The following PON3 variants were observed in gnomAD, a reference collection of about 807,000 sequenced individuals.
PON3 encodes the protein paraoxonase 3.
A neutral mutation model predicts 36.3 loss-of-function variants in PON3; 37 were observed. The observed-to-expected ratio is 1.02, with a 90% confidence interval of 0.78 to 1.34. The LOEUF is 1.34. Ranked by LOEUF, PON3 falls within the 40% of genes most tolerant of loss-of-function variation. The probability of loss-of-function intolerance (pLI) is 0.00; values close to 1 mark genes in which losing one functional copy is unlikely to be tolerated. For synonymous variants in PON3, 155 were observed against 154.8 expected (o/e 1.00, Z -0.01); for missense variants, 415 against 426.5 (o/e 0.97, Z 0.24).
At chr7:95,387,088 C>T (rs185141098) in intron 3 of PON3, among the ~76,000 whole-genome samples, 267 of 152,270 alleles carry the variant, frequency 1.8e-3, no homozygotes, top group Admixed American at 5.4e-3. Context: ...GACAAGGATG[C>T]CCTCTCTCAC....
chr7:95,372,719 C>T (rs780449848), intron 3 of PON3, among the ~76,000 whole-genome samples: 5 of 152,058 alleles, frequency 3.3e-5, no homozygotes, highest in South Asian at 4.2e-4. Context: ...AGATTATTTC[C>T]GGTCCTGGTA....
At chr7:95,386,474 A>C (rs1809192727) in intron 3 of PON3, among the ~76,000 whole-genome samples, 1 of 152,204 alleles carries the variant, frequency 6.6e-6, no homozygotes, top group Non-Finnish European at 1.5e-5. Flanking sequence ...AGGCTCTGAA[A>C]TTGAGGCAAT....
At chr7:95,384,326 A>G (rs936504109) in intron 3 of PON3, among the ~76,000 whole-genome samples, 1 of 152,188 alleles carries the variant, frequency 6.6e-6, no homozygotes, top group Non-Finnish European at 1.5e-5. Flanking sequence ...ACCAAAAGCA[A>G]TGGCAACAAA....
intron 3 of PON3, among the ~76,000 whole-genome samples, chr7:95,379,989 C>A (rs1416317034): frequency 1.3e-5 from 2 of 152,176 alleles, no homozygotes; most frequent in Admixed American, 6.5e-5. Context: ...TGGCCAGGTA[C>A]CCCTCTGAGA....
In PON3 at chr7:95,390,136, A is replaced by C. The variant is rs189888465; in HGVS notation, c.201+18T>G. ...CAGCTATTGATGTGAGCATGAGAGC[A>C]GCATGGAAAATACTCACACTGGAGA... On this transcript the variant is annotated intron_variant, in intron 3 of 8. Transcript: ENST00000265627. 795 of 1,587,812 alleles carry C rather than the reference A, an allele frequency of 5.0e-4. 4 individuals carry two copies. The highest frequency in any genetic ancestry group is 2.7e-3 in the Admixed American group (160 of 60,008).
rs753550140 is a variant in PON3, at chr7:95,364,066, A to G, written c.495-3T>C. 11 of 1,612,886 alleles carry G rather than the reference A, an allele frequency of 6.8e-6. No homozygotes were observed. The highest frequency in any genetic ancestry group is 8.5e-6 in the Non-Finnish European group (10 of 1,178,990). The stretch of plus-strand genomic sequence containing the variant: ...CAAGAACCACAATGTCATTCACACT[A>G]AAGTGAAAGGGAGGTGGAAAAAGAG... On this transcript the variant is annotated splice_polypyrimidine_tract_variant and splice_region_variant and intron_variant, in intron 5 of 8. Transcript: ENST00000265627.
Position 95,396,294 on chromosome 7 carries a change from C to T in PON3, c.57G>A (p.Glu19=). 1 of 1,614,060 alleles carries T rather than the reference C, an allele frequency of 6.2e-7. No homozygotes were observed. Among genetic ancestry groups the T allele is most frequent in the Non-Finnish European group, 8.5e-7 (1 of 1,179,990 alleles). The change falls in exon 1 of 9, where the codon GAG becomes GAA. Residue 19 remains glutamate, a synonymous_variant. Transcript: ENST00000265627. Reference sequence around the variant, plus strand: ...CCACTCACCTAAACGCCAGGAACATCTCCCCGACTAAGGACAGGCCGACCC... The same window carrying T: ...CCACTCACCTAAACGCCAGGAACATTTCCCCGACTAAGGACAGGCCGACCC... ...LLGVGLSLVG[E]MFLAFRERVN...
At chr7:95,395,888 C>T in intron 1 of PON3, 1 of 322,014 alleles carries the variant, frequency 3.1e-6, no homozygotes, top group South Asian at 2.8e-5. Flanking sequence ...CAGCCGTAAA[C>T]ATCCAACTGG....
At chr7:95,366,122 G>A (rs1808686733) in intron 5 of PON3, among the ~76,000 whole-genome samples, 1 of 152,084 alleles carries the variant, frequency 6.6e-6, no homozygotes, top group South Asian at 2.1e-4. Context: ...TCTGCTTCCT[G>A]GGATTGTACT....
intron 1 of PON3, among the ~76,000 whole-genome samples, chr7:95,395,035 A>C (rs892192161): frequency 2.6e-5 from 4 of 152,220 alleles, no homozygotes; most frequent in South Asian, 4.1e-4. Flanking sequence ...ATTTAAATGC[A>C]CGAAATAGCC....
chr7:95,395,799 G>A (rs898214187), intron 1 of PON3: 2 of 180,928 alleles, frequency 1.1e-5, no homozygotes, highest in Admixed American at 1.1e-4. Flanking sequence ...CCTGCTGTCT[G>A]GCCAGCTCTT....
rs775186128 is a variant in PON3, at chr7:95,362,477, C to T, written c.791G>A (p.Gly264Asp). 10 of 1,613,538 alleles carry T rather than the reference C, an allele frequency of 6.2e-6. No individual in the cohort carries two copies. The highest frequency in any genetic ancestry group is 7.6e-6 in the Non-Finnish European group (9 of 1,179,770). Residue 264 changes from glycine (G) to aspartate (D), a missense_variant, in exon 8 of 9, where the codon GGC becomes GAC. Coordinates refer to ENST00000265627, the MANE Select transcript of PON3 (RefSeq NM_000940.3). ...DLTQLKVIQL[G>D]TLVDNLTVDP... ...GACAGTCAGGTTATCCACTAAGGTGCCCAACTGTATCACCTTACAACAAAG... is the reference window on the plus strand; with the variant it reads ...GACAGTCAGGTTATCCACTAAGGTGTCCAACTGTATCACCTTACAACAAAG...
Position 95,360,906 on chromosome 7 carries a change from T to C in PON3, c.907-775A>G, listed in dbSNP as rs371980919. Among the ~76,000 whole-genome samples the C allele has an allele frequency of 2.8e-4, 43 of 152,286 alleles. 1 individual carries two copies. The highest frequency in any genetic ancestry group is 1.0e-3 in the African/African-American group (42 of 41,578). ...CTCAGGTTTGTTAGACAAAAATACT[T>C]AAGCTTTGATTTCATGTACAAAACA... On this transcript the variant is annotated intron_variant, in intron 8 of 8. Coordinates refer to ENST00000265627, the MANE Select transcript of PON3 (RefSeq NM_000940.3).
intron 2 of PON3, 140 bp from the exon 3 acceptor site, chr7:95,390,349 T>A: frequency 1.3e-6 from 1 of 782,136 alleles, no homozygotes; most frequent in Non-Finnish European, 2.3e-6. Flanking sequence ...GGAAACCATA[T>A]TAACTTTGGA....
At chr7:95,386,290 T>C (rs1809188722) in intron 3 of PON3, among the ~76,000 whole-genome samples, 1 of 152,054 alleles carries the variant, frequency 6.6e-6, no homozygotes, top group African/African-American at 2.4e-5. Flanking sequence ...TAAAAAATGA[T>C]AAAGGGGATA....
intron 3 of PON3, among the ~76,000 whole-genome samples, chr7:95,377,029 G>A (rs572705182): frequency 1.1e-4 from 17 of 152,330 alleles, no homozygotes; most frequent in African/African-American, 3.6e-4. Context: ...CTGGAGGAAC[G>A]GTACGCTCCT....
In PON3 at chr7:95,372,356, C is replaced by T. The variant is rs1267523517; in HGVS notation, c.202-18G>A. 6.2e-7 allele frequency: 1 copy of T among 1,611,402 alleles called. No homozygotes were observed. Among genetic ancestry groups the T allele is most frequent in the Non-Finnish European group, 8.5e-7 (1 of 1,178,262 alleles). ...TTTAATCCCTTTTAAAAATAAAGAA[C>T]AAGTGTGCACACATATACATATCAA... is the stretch of plus-strand genomic sequence containing the variant. On this transcript the variant is annotated intron_variant, in intron 3 of 8. Transcript: ENST00000265627.
chr7:95,362,632 G>T, intron 7 of PON3, 128 bp downstream of exon 7: 2 of 1,390,184 alleles, frequency 1.4e-6, no homozygotes, highest in Non-Finnish European at 2.0e-6. Flanking sequence ...TTTTAGAAAC[G>T]CATGCATAAT....
intron 3 of PON3, among the ~76,000 whole-genome samples, chr7:95,386,109 G>C (rs923866878): frequency 2.6e-5 from 4 of 152,120 alleles, no homozygotes. Context: ...AAAGCTACCA[G>C]AAGGCAATAA....
Sources: allele counts gnomAD v4.1 joint callset (sites outside exome capture counted in the v4.1 genomes callset), GRCh38; gene constraint gnomAD v4.1.1; transcripts MANE v1.5; gene names NCBI Gene and HGNC (gene_info 2026-07-23, HGNC 2026-07-21).